Variants in COL13A1 observed in about 807,000 individuals in gnomAD.
The protein encoded by COL13A1 is collagen type XIII alpha 1 chain.
Under a neutral mutation model 130.9 loss-of-function variants are expected in COL13A1, and 89 were observed. The observed-to-expected ratio is 0.68, with a 90% CI of 0.57 to 0.81. The LOEUF is 0.81. Ranked by LOEUF, COL13A1 falls within the 30% of genes least tolerant of loss-of-function variation. COL13A1 has a pLI of 0.00. For synonymous variants in COL13A1, 402 were observed against 341.6 expected (o/e 1.18, Z -1.95); for missense variants, 879 against 934.6 (o/e 0.94, Z 0.78).
chr10:69,890,595 G>A (rs2061079373), intron 10 of COL13A1, among the ~76,000 whole-genome samples: 1 of 152,262 alleles, frequency 6.6e-6, no homozygotes, highest in African/African-American at 2.4e-5. Context: ...CTGGGGCACT[G>A]CCAGGGCATG....
chr10:69,930,327 T>G, intron 29 of COL13A1, 73 bp from the exon 30 acceptor site: 1 of 1,428,182 alleles, frequency 7.0e-7, no homozygotes, highest in South Asian at 1.4e-5. Flanking sequence ...CCTTTGGACT[T>G]TTCTACTCTC....
chr10:69,936,652 C>T, intron 32 of COL13A1, 104 bp from the exon 33 acceptor site: 1 of 1,409,628 alleles, frequency 7.1e-7, no homozygotes, highest in South Asian at 1.2e-5. Context: ...CCAAACCATA[C>T]TCTGCACCCA....
At chr10:69,941,099 C>G (rs1220411284) in intron 35 of COL13A1, 76 bp downstream of exon 35, 43 of 1,605,212 alleles carry the variant, frequency 2.7e-5, no homozygotes, top group Admixed American at 3.4e-5. Flanking sequence ...GTCTGTCCCA[C>G]TGTGGCCTCA....
intron 38 of COL13A1, among the ~76,000 whole-genome samples, chr10:69,952,318 C>T (rs886769798): frequency 6.6e-6 from 1 of 152,240 alleles, no homozygotes; most frequent in African/African-American, 2.4e-5. Context: ...GGCACACACA[C>T]ACATATACAC....
intron 39 of COL13A1, 93 bp downstream of exon 39, chr10:69,953,061 C>G (rs1358731827): frequency 1.1e-6 from 1 of 911,460 alleles, no homozygotes; most frequent in Non-Finnish European, 1.6e-6. Context: ...AAGATGAGAA[C>G]CAAATGTCTA....
At chr10:69,866,633 G>A (rs1286357234) in intron 2 of COL13A1, among the ~76,000 whole-genome samples, 1 of 150,742 alleles carries the variant, frequency 6.6e-6, no homozygotes, top group Non-Finnish European at 1.5e-5. Context: ...CCTGGGGCTT[G>A]CTCACCCAGG....
At chr10:69,935,436 T>C in intron 32 of COL13A1, 45 bp downstream of exon 32, 2 of 1,416,444 alleles carry the variant, frequency 1.4e-6, no homozygotes, top group Non-Finnish European at 1.9e-6. Flanking sequence ...TAATGTCCCC[T>C]CTCCACAGCA....
At chr10:69,936,808 C>A in intron 33 of COL13A1, 26 bp downstream of exon 33, 1 of 1,613,804 alleles carries the variant, frequency 6.2e-7, no homozygotes, top group South Asian at 1.1e-5. Flanking sequence ...ATGACAGGCG[C>A]TGTGTCAGTG....
At chr10:69,912,731 G>C (rs906554711) in intron 17 of COL13A1, among the ~76,000 whole-genome samples, 2 of 152,162 alleles carry the variant, frequency 1.3e-5, no homozygotes, top group African/African-American at 2.4e-5. Flanking sequence ...GTGCTTCCCT[G>C]GCCTGACCTT....
At chr10:69,887,050 T>G (rs1345306569) in intron 7 of COL13A1, among the ~76,000 whole-genome samples, 1 of 152,198 alleles carries the variant, frequency 6.6e-6, no homozygotes. Flanking sequence ...TAAGTGGCCA[T>G]GAGCAATGAC....
chr10:69,864,968 G>C (rs1419299359), intron 2 of COL13A1, among the ~76,000 whole-genome samples: 2 of 152,216 alleles, frequency 1.3e-5, no homozygotes, highest in African/African-American at 4.8e-5. Context: ...CAAGAAACAG[G>C]TTCCTCCTGA....
At chr10:69,919,351 C>T (rs553811853) in intron 20 of COL13A1, among the ~76,000 whole-genome samples, 1 of 152,214 alleles carries the variant, frequency 6.6e-6, no homozygotes, top group African/African-American at 2.4e-5. Context: ...TCTTGTGTGA[C>T]AATAAGAGGT....
intron 34 of COL13A1, 73 bp from the exon 35 acceptor site, chr10:69,940,915 C>A: frequency 6.2e-7 from 1 of 1,603,952 alleles, no homozygotes; most frequent in South Asian, 1.1e-5. Flanking sequence ...CCTCTTCCCT[C>A]CCCATTGTTC....
At chr10:69,926,702 G>T (rs1387125240) in intron 26 of COL13A1, among the ~76,000 whole-genome samples, 1 of 152,192 alleles carries the variant, frequency 6.6e-6, no homozygotes, top group Non-Finnish European at 1.5e-5. Flanking sequence ...TTGAAATCTG[G>T]GTTCTGGGAG....
intron 17 of COL13A1, among the ~76,000 whole-genome samples, chr10:69,907,495 A>G (rs2062881605): frequency 6.6e-6 from 1 of 152,172 alleles, no homozygotes; most frequent in Admixed American, 6.5e-5. Context: ...CACGAGCAAG[A>G]GAAGGCTGGG....
At chr10:69,956,854 AC>A in intron 39 of COL13A1, 149 bp from the exon 40 acceptor site, 2 of 640,656 alleles carry the variant, frequency 3.1e-6, no homozygotes. Flanking sequence ...TGAGGTTCTG[AC>A]CTGTAGTAGA....
At chr10:69,845,117 A>G (rs1243253600) in intron 2 of COL13A1, among the ~76,000 whole-genome samples, 1 of 151,994 alleles carries the variant, frequency 6.6e-6, no homozygotes, top group Admixed American at 6.5e-5. Context: ...CACCCTCAAG[A>G]TGCCTCCAAG....
chr10:69,893,131 G>A (rs2061342812), intron 10 of COL13A1, among the ~76,000 whole-genome samples: 1 of 152,244 alleles, frequency 6.6e-6, no homozygotes, highest in African/African-American at 2.4e-5. Context: ...CGGGCAGATT[G>A]CTTGAGTCTG....
intron 34 of COL13A1, among the ~76,000 whole-genome samples, chr10:69,938,961 C>G (rs542218632): frequency 2.5e-4 from 38 of 152,310 alleles, no homozygotes; most frequent in Admixed American, 2.1e-3. Flanking sequence ...TTGATGAACA[C>G]TCGAGAATTC....
Sources: gnomAD v4.1 joint callset for allele counts (sites outside exome capture counted in the v4.1 genomes callset) on GRCh38, gnomAD v4.1.1 for gene constraint, MANE v1.5 for transcripts, NCBI Gene and HGNC (gene_info 2026-07-23, HGNC 2026-07-21) for gene names.